Variants in SPATA3 observed in about 807,000 individuals in gnomAD.
SPATA3 encodes spermatogenesis-associated protein 3.
Under a neutral mutation model 5.7 loss-of-function variants are expected in SPATA3, and 6 were observed. That is an observed-to-expected ratio of 1.06 (90% CI 0.58 to 2.09). The LOEUF is 2.09. Ranked by LOEUF, SPATA3 falls within the 30% of genes most tolerant of loss-of-function variation. SPATA3 has a pLI of 0.00. For missense variants in SPATA3, 155 were observed against 130.4 expected (o/e 1.19, Z -0.92); for synonymous variants, 44 against 48.4 (o/e 0.91, Z 0.37).
At chr2:231,017,044 G>A (rs751991806) in intron 6 of SPATA3, among the ~76,000 whole-genome samples, 3 of 152,128 alleles carry the variant, frequency 2.0e-5, no homozygotes, top group Non-Finnish European at 4.4e-5. Context: ...ACAGCTGCAT[G>A]GCGTTGCATC....
intron 6 of SPATA3, among the ~76,000 whole-genome samples, chr2:231,019,032 T>C (rs1693007198): frequency 6.9e-6 from 1 of 144,986 alleles, no homozygotes; most frequent in South Asian, 2.2e-4. Context: ...AGTGGCACGA[T>C]CTCGGCTCAC....
At chr2:231,009,465 G>A (rs1445201756), downstream of SPATA3, among the ~76,000 whole-genome samples, 1 of 152,184 alleles carries the variant, frequency 6.6e-6, no homozygotes, top group African/African-American at 2.4e-5. Context: ...GATGCTGTGG[G>A]CTGTTAGTAG....
At chr2:231,013,251 C>T (rs1035601566) in intron 5 of SPATA3, among the ~76,000 whole-genome samples, 1 of 152,126 alleles carries the variant, frequency 6.6e-6, no homozygotes, top group Non-Finnish European at 1.5e-5. Flanking sequence ...TCACGACAGA[C>T]GCATAGACAC....
At chr2:230,997,115 G>T (rs907319155) in intron 1 of SPATA3, among the ~76,000 whole-genome samples, 10 of 152,196 alleles carry the variant, frequency 6.6e-5, no homozygotes, top group African/African-American at 2.2e-4. Context: ...GGTCTGATGT[G>T]GTTTGGCTGT....
At chr2:231,008,723 T>C (rs2125116983), downstream of SPATA3, among the ~76,000 whole-genome samples, 1 of 152,200 alleles carries the variant, frequency 6.6e-6, no homozygotes, top group Admixed American at 6.5e-5. Context: ...CATATTGAGG[T>C]CCCCCTTTGT....
In SPATA3 at chr2:231,000,347, T is replaced by A; in HGVS notation, c.791-19T>A. 1.4e-6 allele frequency: 2 copies of A among 1,450,902 alleles called. No homozygotes were observed. The highest frequency in any genetic ancestry group is 2.4e-5 in the Admixed American group (1 of 40,912). 89.9% of individuals were successfully genotyped at this position (1,450,902 alleles called of 1,614,324 possible). A position where few individuals can be genotyped will look rare whatever the true frequency, so the allele number is the denominator to read the frequency against. On this transcript the variant is annotated intron_variant, in intron 1 of 2. Transcript: ENST00000645363. ...CCAGGGCAGGTGCCTCCCTCACCTC[T>A]CTCCTTCTGTCCCCACAGGGCCTCT...
At chr2:231,011,925 T>C (rs936437064), downstream of SPATA3, among the ~76,000 whole-genome samples, 4 of 152,226 alleles carry the variant, frequency 2.6e-5, no homozygotes, top group Non-Finnish European at 5.9e-5. Context: ...GCACAGCATA[T>C]ACTTATTACA....
At chr2:231,007,699 G>A (rs994421069), downstream of SPATA3, among the ~76,000 whole-genome samples, 29 of 152,328 alleles carry the variant, frequency 1.9e-4, no homozygotes, top group African/African-American at 6.7e-4. Context: ...GTGATGGGGA[G>A]CAGCCTGCCA....
At chr2:230,997,133 C>T (rs577851897) in intron 1 of SPATA3, among the ~76,000 whole-genome samples, 1 of 152,306 alleles carries the variant, frequency 6.6e-6, no homozygotes, top group Admixed American at 6.5e-5. Flanking sequence ...TGTGTCCCCA[C>T]CCAAATCTCT....
chr2:231,014,272 C>T (rs1470123126), intron 6 of SPATA3: 1 of 152,158 alleles, frequency 6.6e-6, no homozygotes, highest in African/African-American at 2.4e-5. Context: ...AATAACAATG[C>T]TAATAGCCTG....
At position 231,000,577 on chromosome 2, in the gene SPATA3, C is replaced by A. The variant is rs1345636648; in HGVS notation, c.962+40C>A. On this transcript the variant is annotated intron_variant, in intron 2 of 2. Transcript: ENST00000645363. ...GGGCTGGAGCCTCGGGGCACACAGTCCCCAGGGCCAGGCTCTGCCCCCAGA... is the reference window on the plus strand; with the variant it reads ...GGGCTGGAGCCTCGGGGCACACAGTACCCAGGGCCAGGCTCTGCCCCCAGA... 4.1e-6 allele frequency: 6 copies of A among 1,451,304 alleles called. No homozygotes were observed. The African/African-American group carries it at 7.1e-5, about 17-fold the overall frequency. The allele number at this position is 1,451,304 out of a possible 1,614,324, so 89.9% of individuals were successfully genotyped here.
chr2:231,018,848 C>G (rs1692997525), intron 6 of SPATA3, among the ~76,000 whole-genome samples: 1 of 151,902 alleles, frequency 6.6e-6, no homozygotes, highest in Middle Eastern at 3.2e-3. Context: ...CCACACCCAG[C>G]TAATTTTTTG....
chr2:231,001,612 C>T (rs928354448), intron 2 of SPATA3, among the ~76,000 whole-genome samples: 1 of 152,206 alleles, frequency 6.6e-6, no homozygotes, highest in Admixed American at 6.5e-5. Context: ...CCACACCCTG[C>T]CCACACGCTT....
intron 6 of SPATA3, among the ~76,000 whole-genome samples, chr2:231,018,229 G>A (rs890712753): frequency 1.1e-4 from 17 of 152,056 alleles, no homozygotes; most frequent in African/African-American, 1.9e-4. Flanking sequence ...CCATCATGAC[G>A]GAGAAATTTT....
intron 5 of SPATA3, among the ~76,000 whole-genome samples, chr2:231,013,005 C>T (rs757414699): frequency 6.6e-6 from 1 of 152,170 alleles, no homozygotes; most frequent in South Asian, 2.1e-4. Context: ...GAAGCTCAGC[C>T]GTGCAGGCCA....
chr2:231,017,608 A>C (rs1460973787), intron 6 of SPATA3, among the ~76,000 whole-genome samples: 2 of 152,250 alleles, frequency 1.3e-5, no homozygotes, highest in Non-Finnish European at 2.9e-5. Flanking sequence ...TGAAGTGAGT[A>C]GGCTGTGTGA....
intron 1 of SPATA3, among the ~76,000 whole-genome samples, chr2:230,998,286 C>A (rs1042783735): frequency 6.6e-6 from 1 of 152,184 alleles, no homozygotes; most frequent in African/African-American, 2.4e-5. Flanking sequence ...AGGAATCAAA[C>A]CTTTCTTGAC....
At chr2:230,998,035 A>G (rs1429645824) in intron 1 of SPATA3, among the ~76,000 whole-genome samples, 1 of 152,146 alleles carries the variant, frequency 6.6e-6, no homozygotes, top group African/African-American at 2.4e-5. Context: ...CTCACTTTAA[A>G]CCACAGCACT....
At chr2:231,010,286 A>T (rs906142955), downstream of SPATA3, among the ~76,000 whole-genome samples, 2 of 152,254 alleles carry the variant, frequency 1.3e-5, no homozygotes, top group African/African-American at 4.8e-5. Flanking sequence ...ACAAAGATGG[A>T]CAGCCTTGTA....
Sources: allele counts gnomAD v4.1 joint callset (sites outside exome capture counted in the v4.1 genomes callset), GRCh38; gene constraint gnomAD v4.1.1; transcripts MANE v1.5; gene names NCBI Gene and HGNC (gene_info 2026-07-23, HGNC 2026-07-21).